HHAT: variants seen among roughly 807,000 people sequenced by gnomAD.
HHAT encodes protein-cysteine N-palmitoyltransferase HHAT.
HHAT carries 47 observed loss-of-function variants against 70.8 expected under a neutral mutation model. The ratio of observed to expected loss-of-function variants is 0.66; its 90% confidence interval spans 0.53 to 0.85. The LOEUF (loss-of-function observed/expected upper bound fraction) is 0.85, where lower values mean the gene tolerates loss of function less well. Among genes scored for constraint, HHAT ranks in the 40% least tolerant of loss-of-function variants. The pLI, the probability that HHAT is intolerant of heterozygous loss-of-function variation, is 0.00. For synonymous variants in HHAT, 228 were observed against 247.6 expected, an observed-to-expected ratio of 0.92 and a Z score of 0.74; for missense variants, 609 against 604.8, an observed-to-expected ratio of 1.01 and a Z score of -0.07.
At chr1:210,616,184 G>C (rs566721466) in intron 10 of HHAT, among the ~76,000 whole-genome samples, 1 of 152,150 alleles carries the variant, frequency 6.6e-6, no homozygotes, top group South Asian at 2.1e-4. Context: ...ATTTTCTGTG[G>C]TGACAACACT....
At chr1:210,666,000 G>A (rs985024172) in intron 11 of HHAT, among the ~76,000 whole-genome samples, 15 of 152,232 alleles carry the variant, frequency 9.9e-5, no homozygotes, top group African/African-American at 3.1e-4. Context: ...CCATTTGCAT[G>A]TAGACAGAGA....
chr1:210,485,583 A>T (rs982290146), intron 8 of HHAT, among the ~76,000 whole-genome samples: 2 of 152,118 alleles, frequency 1.3e-5, no homozygotes, highest in African/African-American at 4.8e-5. Flanking sequence ...GTAAATTATA[A>T]AGAAAAAGAG....
At chr1:210,670,310 AAG>A (rs1277171163) in intron 11 of HHAT, among the ~76,000 whole-genome samples, 1 of 152,182 alleles carries the variant, frequency 6.6e-6, no homozygotes, top group Non-Finnish European at 1.5e-5. Context: ...GGCCACCAAC[AAG>A]AGAGAGTCAA....
chr1:210,546,412 A>C (rs1477342848), intron 9 of HHAT, among the ~76,000 whole-genome samples: 2 of 152,224 alleles, frequency 1.3e-5, no homozygotes, highest in Admixed American at 6.5e-5. Context: ...TCCACCAGGC[A>C]TGGAAGATGG....
chr1:210,591,802 A>G lies in HHAT; in HGVS notation c.1245+3703A>G, dbSNP rs573245554. 2.0e-5 allele frequency among the ~76,000 whole-genome samples: 3 copies of G among 152,198 alleles called. No individual in the cohort carries two copies. The South Asian group carries it at 6.2e-4, about 32-fold the overall frequency. On this transcript the variant is annotated intron_variant, in intron 10 of 11. Coordinates refer to ENST00000261458, the MANE Select transcript of HHAT (RefSeq NM_018194.6). ...TGACTTTAGTGTTGAGCACTTTTTCATATACCTGTTTGCCATTCATATGTC... is the reference window on the plus strand; with the variant it reads ...TGACTTTAGTGTTGAGCACTTTTTCGTATACCTGTTTGCCATTCATATGTC...
At chr1:210,592,578 T>C (rs1028712471) in intron 10 of HHAT, among the ~76,000 whole-genome samples, 1 of 152,244 alleles carries the variant, frequency 6.6e-6, no homozygotes, top group South Asian at 2.1e-4. Flanking sequence ...AGAATGTCCT[T>C]AGTATTTTGA....
chr1:210,500,205 A>G (rs1279115377), intron 8 of HHAT, among the ~76,000 whole-genome samples: 1 of 152,252 alleles, frequency 6.6e-6, no homozygotes, highest in Admixed American at 6.5e-5. Flanking sequence ...AACCATAACG[A>G]ACAGATTCAT....
chr1:210,388,067 G>C (rs1291390010), intron 4 of HHAT, among the ~76,000 whole-genome samples: 1 of 152,198 alleles, frequency 6.6e-6, no homozygotes, highest in East Asian at 1.9e-4. Flanking sequence ...GTGGTTATTT[G>C]AAAACTACTT....
chr1:210,491,564 A>C (rs2094552605), intron 8 of HHAT, among the ~76,000 whole-genome samples: 1 of 152,190 alleles, frequency 6.6e-6, no homozygotes, highest in African/African-American at 2.4e-5. Context: ...ATAATAGTAC[A>C]ACCTTGACAG....
chr1:210,360,873 T>C (rs942851128), intron 2 of HHAT, among the ~76,000 whole-genome samples: 3 of 148,742 alleles, frequency 2.0e-5, no homozygotes, highest in African/African-American at 5.0e-5. Flanking sequence ...TTTAACTTTG[T>C]GGCTATTAGA....
chr1:210,465,711 T>C (rs1007983002), intron 8 of HHAT, among the ~76,000 whole-genome samples: 8 of 152,334 alleles, frequency 5.3e-5, no homozygotes, highest in African/African-American at 1.9e-4. Flanking sequence ...AATGTTGCCA[T>C]TCAAAAGGAG....
intron 6 of HHAT, among the ~76,000 whole-genome samples, chr1:210,411,569 C>T (rs1344253122): frequency 6.6e-6 from 1 of 151,274 alleles, no homozygotes; most frequent in Non-Finnish European, 1.5e-5. Context: ...GCCTGGGCAA[C>T]ACGGTGAAAC....
intron 11 of HHAT, among the ~76,000 whole-genome samples, chr1:210,652,861 A>G (rs1365529030): frequency 6.6e-6 from 1 of 152,214 alleles, no homozygotes; most frequent in African/African-American, 2.4e-5. Flanking sequence ...ATTTTACCTC[A>G]TAGATTCCTG....
intron 7 of HHAT, among the ~76,000 whole-genome samples, chr1:210,440,079 A>G (rs2093470439): frequency 6.6e-6 from 1 of 151,726 alleles, no homozygotes; most frequent in Non-Finnish European, 1.5e-5. Flanking sequence ...TTCAGTCCAT[A>G]CCCTAAGCTG....
intron 3 of HHAT, among the ~76,000 whole-genome samples, chr1:210,379,754 A>C (rs770880746): frequency 6.6e-6 from 1 of 152,246 alleles, no homozygotes; most frequent in African/African-American, 2.4e-5. Flanking sequence ...TGAACAAACA[A>C]GGACATAATA....
At chr1:210,500,691 TCTCTC>T (rs1383440406) in intron 8 of HHAT, among the ~76,000 whole-genome samples, 2 of 152,200 alleles carry the variant, frequency 1.3e-5, no homozygotes, top group East Asian at 1.9e-4. Context: ...GATGTAGACT[TCTCTC>T]CTCTTAATCT....
chr1:210,349,158 A>G (rs2086791576), intron 2 of HHAT, 92 bp downstream of exon 2: 3 of 1,341,634 alleles, frequency 2.2e-6, no homozygotes, highest in Non-Finnish European at 3.1e-6. Context: ...AGATGATCCA[A>G]TAGTGTCAAG....
At chr1:210,328,025 G>C (rs2084688892), upstream of HHAT, among the ~76,000 whole-genome samples, 2 of 152,180 alleles carry the variant, frequency 1.3e-5, no homozygotes, top group African/African-American at 4.8e-5. Context: ...TAATCCTCTC[G>C]ACCATTACAA....
At chr1:210,624,091 GT>G (rs1669394968) in intron 11 of HHAT, among the ~76,000 whole-genome samples, 1 of 152,132 alleles carries the variant, frequency 6.6e-6, no homozygotes. Flanking sequence ...ATCATGAGGG[GT>G]CTGCCCGCAT....
Sources: allele counts gnomAD v4.1 joint callset (sites outside exome capture counted in the v4.1 genomes callset), GRCh38; gene constraint gnomAD v4.1.1; transcripts MANE v1.5; gene names NCBI Gene and HGNC (gene_info 2026-07-23, HGNC 2026-07-21).